LYRM7: variants seen among roughly 807,000 people sequenced by gnomAD.
LYRM7 encodes complex III assembly factor LYRM7.
A neutral mutation model predicts 15.8 loss-of-function variants in LYRM7; 9 were observed. That is an observed-to-expected ratio of 0.57 (90% CI 0.34 to 0.99). The LOEUF (loss-of-function observed/expected upper bound fraction) is 0.99. LYRM7 is among the 50% of genes least tolerant of loss of function. The pLI is 0.02. For synonymous variants in LYRM7, 39 were observed against 39.4 expected (o/e 0.99, Z 0.04); for missense variants, 115 against 119.1 (o/e 0.97, Z 0.16).
At chr5:131,192,582 ACTTC>A (rs1423670690) in intron 4 of LYRM7, among the ~76,000 whole-genome samples, 2 of 152,196 alleles carry the variant, frequency 1.3e-5, no homozygotes, top group Non-Finnish European at 2.9e-5. Flanking sequence ...GAAAACATTT[ACTTC>A]CTTTATCCTT....
chr5:131,197,846 CTGTGTGTGTG>C (rs56146861), intron 4 of LYRM7, among the ~76,000 whole-genome samples: 11 of 143,282 alleles, frequency 7.7e-5, no homozygotes, highest in East Asian at 4.0e-4. Context: ...CATCTGGCCA[CTGTGTGTGTG>C]TGTGTGTGTG....
At chr5:131,187,935 T>C (rs879224351) in intron 4 of LYRM7, among the ~76,000 whole-genome samples, 1 of 152,266 alleles carries the variant, frequency 6.6e-6, no homozygotes, top group African/African-American at 2.4e-5. Context: ...AAAGTATCTT[T>C]GGGGACAGTA....
rs1268086923 is a variant in LYRM7 at position 131,203,596 on chromosome 5, G to A, written c.*3995G>A. ...TAATCCCAGCTACTCGGGAGGCTGA[G>A]GCGTGAGAATCGCTTGAACCCGGTA... On this transcript the variant is annotated 3_prime_UTR_variant, in exon 5 of 5. Coordinates refer to ENST00000379380, the MANE Select transcript of LYRM7 (RefSeq NM_181705.4). The A allele has an allele frequency of 6.6e-6, 1 of 152,442 alleles. No individual in the cohort carries two copies. Among genetic ancestry groups the A allele is most frequent in the Admixed American group, 6.5e-5 (1 of 15,288 alleles). The allele number at this position is 152,442 out of a possible 1,614,324, so 9.4% of individuals were successfully genotyped here. A position where few individuals can be genotyped will look rare whatever the true frequency, so the allele number is the denominator to read the frequency against.
intron 3 of LYRM7, among the ~76,000 whole-genome samples, chr5:131,184,527 T>C (rs1755762616): frequency 1.3e-5 from 2 of 152,060 alleles, no homozygotes; most frequent in Admixed American, 1.3e-4. Flanking sequence ...TACTACGCCT[T>C]GACATGAGGT....
intron 4 of LYRM7, among the ~76,000 whole-genome samples, chr5:131,198,214 G>A (rs1756001252): frequency 6.6e-6 from 1 of 152,046 alleles, no homozygotes; most frequent in Admixed American, 6.6e-5. Flanking sequence ...ATTCTCTAAT[G>A]TAACTGCAAT....
At chr5:131,176,088 T>A (rs1755598334) in intron 1 of LYRM7, among the ~76,000 whole-genome samples, 1 of 152,202 alleles carries the variant, frequency 6.6e-6, no homozygotes, top group Non-Finnish European at 1.5e-5. Flanking sequence ...CTAATTAAGC[T>A]CTTATTAATA....
chr5:131,186,033 A>T (rs1167409372), intron 3 of LYRM7, among the ~76,000 whole-genome samples: 1 of 152,202 alleles, frequency 6.6e-6, no homozygotes, highest in Non-Finnish European at 1.5e-5. Flanking sequence ...TAAAGGTAAA[A>T]AATGGTATTT....
chr5:131,178,530 G>T (rs1446312169), intron 1 of LYRM7, among the ~76,000 whole-genome samples: 1 of 152,148 alleles, frequency 6.6e-6, no homozygotes, highest in Non-Finnish European at 1.5e-5. Flanking sequence ...GAAGTGTGAA[G>T]TGACCTCAGC....
chr5:131,171,091 G>C, intron 1 of LYRM7, 53 bp downstream of exon 1: 1 of 1,473,714 alleles, frequency 6.8e-7, no homozygotes. Context: ...GGGTATGTTC[G>C]CGTCCTTGAG....
At chr5:131,189,617 C>A (rs184341163) in intron 4 of LYRM7, among the ~76,000 whole-genome samples, 4 of 152,234 alleles carry the variant, frequency 2.6e-5, no homozygotes, top group Admixed American at 2.6e-4. Context: ...GACCACTCTT[C>A]CCCCTACTAC....
chr5:131,181,316 T>TATATACAC (rs1208669077), intron 2 of LYRM7, among the ~76,000 whole-genome samples: 7 of 27,636 alleles, frequency 2.5e-4, no homozygotes, highest in African/African-American at 6.1e-4. Flanking sequence ...TATATATATA[T>TATATACAC]ACACACACAC....
chr5:131,204,790 A>G lies in LYRM7; in HGVS notation c.*5189A>G, dbSNP rs756521550. ...CAGGTGTTGCTAGAAATTCACTTAT[A>G]TACAAGAAAACTTTTTGTGTACATA... On this transcript the variant is annotated 3_prime_UTR_variant, in exon 5 of 5. Coordinates refer to ENST00000379380, the MANE Select transcript of LYRM7 (RefSeq NM_181705.4). 3.3e-5 allele frequency: 5 copies of G among 152,048 alleles called. No individual in the cohort carries two copies. The highest frequency in any genetic ancestry group is 6.6e-5 in the Admixed American group (1 of 15,242). The allele number at this position is 152,048 out of a possible 1,614,324, so 9.4% of individuals were successfully genotyped here.
intron 4 of LYRM7, among the ~76,000 whole-genome samples, chr5:131,195,980 A>G (rs1755956525): frequency 6.6e-6 from 1 of 152,156 alleles, no homozygotes; most frequent in Non-Finnish European, 1.5e-5. Context: ...TTCAGTCTAG[A>G]TGAGACCTGA....
chr5:131,184,859 G>C (rs545412575), intron 3 of LYRM7, among the ~76,000 whole-genome samples: 1 of 152,154 alleles, frequency 6.6e-6, no homozygotes, highest in East Asian at 1.9e-4. Context: ...CTCTCCCACA[G>C]CTCTCTCCAT....
chr5:131,185,394 T>C (rs1054074087), intron 3 of LYRM7, among the ~76,000 whole-genome samples: 4 of 152,220 alleles, frequency 2.6e-5, no homozygotes, highest in Admixed American at 6.5e-5. Context: ...GTTTTTATGC[T>C]GTTGCCTCTT....
chr5:131,186,948 TA>T, intron 3 of LYRM7, 79 bp from the exon 4 acceptor site: 1 of 789,788 alleles, frequency 1.3e-6, no homozygotes, highest in Non-Finnish European at 2.1e-6. Context: ...GAAATTATAG[TA>T]AAACTATCGT....
At chr5:131,198,837 C>A (rs1168745488) in intron 4 of LYRM7, among the ~76,000 whole-genome samples, 2 of 151,450 alleles carry the variant, frequency 1.3e-5, no homozygotes, top group African/African-American at 4.9e-5. Flanking sequence ...TCCCAAAGTT[C>A]TAGGATTACA....
chr5:131,191,527 T>A (rs901850222), intron 4 of LYRM7, among the ~76,000 whole-genome samples: 23 of 152,334 alleles, frequency 1.5e-4, no homozygotes, highest in African/African-American at 5.5e-4. Flanking sequence ...AATTAAATTT[T>A]GAATCCCAGC....
intron 1 of LYRM7, among the ~76,000 whole-genome samples, chr5:131,173,634 C>T (rs1270610354): frequency 3.3e-5 from 5 of 152,074 alleles, no homozygotes; most frequent in African/African-American, 9.7e-5. Flanking sequence ...ATCCCAGCTA[C>T]GCTACTCAGG....
Sources: gnomAD v4.1 joint callset for allele counts (sites outside exome capture counted in the v4.1 genomes callset) on GRCh38, gnomAD v4.1.1 for gene constraint, MANE v1.5 for transcripts, NCBI Gene and HGNC (gene_info 2026-07-23, HGNC 2026-07-21) for gene names.